CCL28: variants seen among roughly 807,000 people sequenced by gnomAD.
The protein encoded by CCL28 is C-C motif chemokine ligand 28.
In CCL28, 4 loss-of-function variants were observed where a neutral mutation model predicts 7.1. The observed-to-expected ratio is 0.56, with a 90% CI of 0.28 to 1.29. The LOEUF (loss-of-function observed/expected upper bound fraction) is 1.29. CCL28 is among the 50% of genes most tolerant of loss of function. The pLI is 0.11. For synonymous variants in CCL28, 55 were observed against 57.8 expected, an observed-to-expected ratio of 0.95 and a Z score of 0.22; for missense variants, 151 against 163.4, an observed-to-expected ratio of 0.92 and a Z score of 0.41.
At chr5:43,388,308 A>G (rs1412060959) in intron 2 of CCL28, 42 bp downstream of exon 2, 3 of 1,607,338 alleles carry the variant, frequency 1.9e-6, no homozygotes, top group African/African-American at 2.7e-5. Context: ...CAGGGAAATA[A>G]TCACTGTGCA....
At chr5:43,387,852 C>G (rs1190017509) in intron 2 of CCL28, among the ~76,000 whole-genome samples, 1 of 152,180 alleles carries the variant, frequency 6.6e-6, no homozygotes, top group Non-Finnish European at 1.5e-5. Context: ...TCTTGAACAC[C>G]TGGGCTCAAG....
chr5:43,361,238 T>G, the CCL28 span, among the ~76,000 whole-genome samples: 2 of 152,230 alleles, frequency 1.3e-5, no homozygotes, highest in African/African-American at 4.8e-5. Flanking sequence ...GCATTTAGGT[T>G]GATGCCATGT....
downstream of CCL28, among the ~76,000 whole-genome samples, chr5:43,378,047 TAA>T (rs1333434533): frequency 6.6e-6 from 1 of 152,032 alleles, no homozygotes; most frequent in East Asian, 1.9e-4. Context: ...TTAAACTTTT[TAA>T]AGGATTAAGA....
At chr5:43,406,229 A>G (rs1348788426) in intron 1 of CCL28, among the ~76,000 whole-genome samples, 2 of 152,174 alleles carry the variant, frequency 1.3e-5, no homozygotes, top group African/African-American at 2.4e-5. Context: ...CTTGATGAAC[A>G]TCGATGCAAA....
intron 1 of CCL28, among the ~76,000 whole-genome samples, chr5:43,408,327 A>C (rs969578361): frequency 6.6e-6 from 1 of 152,340 alleles, no homozygotes; most frequent in South Asian, 2.1e-4. Context: ...GGATGAGTTC[A>C]TGTCCTTTGT....
At chr5:43,400,003 G>T (rs1740967544) in intron 1 of CCL28, among the ~76,000 whole-genome samples, 1 of 151,828 alleles carries the variant, frequency 6.6e-6, no homozygotes, top group Admixed American at 6.6e-5. Context: ...ACCCCACTAT[G>T]CCTGGCTAAT....
downstream of CCL28, among the ~76,000 whole-genome samples, chr5:43,373,993 C>G (rs1037794557): frequency 6.6e-6 from 1 of 152,228 alleles, no homozygotes; most frequent in African/African-American, 2.4e-5. Context: ...CCCAGTCACA[C>G]TGGCTTAATT....
At chr5:43,411,098 T>C (rs1261795475) in intron 1 of CCL28, among the ~76,000 whole-genome samples, 1 of 152,212 alleles carries the variant, frequency 6.6e-6, no homozygotes, top group Non-Finnish European at 1.5e-5. Flanking sequence ...GAATCATTGT[T>C]GCCACATCTG....
At chr5:43,399,446 AGTCTATATGACT>A (rs1437404481) in intron 1 of CCL28, among the ~76,000 whole-genome samples, 2 of 152,182 alleles carry the variant, frequency 1.3e-5, no homozygotes, top group African/African-American at 2.4e-5. Context: ...TGACATTAAG[AGTCTATATGACT>A]GTCTTTTGAC....
intron 1 of CCL28, among the ~76,000 whole-genome samples, chr5:43,409,404 C>T (rs939400675): frequency 6.6e-6 from 1 of 151,736 alleles, no homozygotes; most frequent in East Asian, 1.9e-4. Context: ...CCAGCCTGGG[C>T]GACAAGAGCA....
chr5:43,397,683 C>T (rs1319752909), intron 1 of CCL28, among the ~76,000 whole-genome samples: 4 of 152,158 alleles, frequency 2.6e-5, no homozygotes, highest in Admixed American at 6.5e-5. Context: ...TTTCACGCCT[C>T]GATCATCTCT....
chr5:43,401,234 G>T (rs1741022536), intron 1 of CCL28, among the ~76,000 whole-genome samples: 1 of 152,182 alleles, frequency 6.6e-6, no homozygotes. Flanking sequence ...CACTAAGTGG[G>T]CAGGTAGGAC....
downstream of CCL28, chr5:43,377,623 A>T (rs1173343995): frequency 1.4e-5 from 2 of 147,972 alleles, no homozygotes; most frequent in African/African-American, 4.9e-5. Context: ...AACATCAAGC[A>T]CTGGGATGAG....
At chr5:43,398,210 CA>C (rs1720410019) in intron 1 of CCL28, among the ~76,000 whole-genome samples, 2 of 101,452 alleles carry the variant, frequency 2.0e-5, no homozygotes, top group Admixed American at 2.3e-4. Flanking sequence ...TAGCAATTAG[CA>C]GACTTTTTTT....
downstream of CCL28, among the ~76,000 whole-genome samples, chr5:43,372,197 G>T (rs1739797493): frequency 6.6e-6 from 1 of 152,132 alleles, no homozygotes. Context: ...ATGAGTTTTG[G>T]GGGGCAAACA....
intron 1 of CCL28, among the ~76,000 whole-genome samples, chr5:43,388,888 G>T (rs561559586): frequency 6.6e-6 from 1 of 152,322 alleles, no homozygotes; most frequent in Admixed American, 6.5e-5. Context: ...TTGAAATAAG[G>T]CATAATCTGT....
the CCL28 span, among the ~76,000 whole-genome samples, chr5:43,364,305 A>ATGTG: frequency 6.6e-6 from 1 of 151,512 alleles, no homozygotes; most frequent in Non-Finnish European, 1.5e-5. Flanking sequence ...AAAACTATAT[A>ATGTG]TGTGTGTGTG....
the CCL28 span, among the ~76,000 whole-genome samples, chr5:43,357,586 CT>C: frequency 2.0e-5 from 3 of 152,042 alleles, no homozygotes; most frequent in Non-Finnish European, 4.4e-5. Flanking sequence ...CCAAATTCTT[CT>C]CCTTATTTCC....
chr5:43,381,636 A>C lies in CCL28; in HGVS notation c.*224T>G. On this transcript the variant is annotated 3_prime_UTR_variant, in exon 3 of 3. Transcript: ENST00000361115. ...CAGCCTCCCGAAGTGCTGGGATAAAAGGTGTGAACCACCATACCCAGCCAG... is the reference window on the plus strand; with the variant it reads ...CAGCCTCCCGAAGTGCTGGGATAAACGGTGTGAACCACCATACCCAGCCAG... 2.2e-6 allele frequency: 1 copy of C among 446,050 alleles called. No homozygotes were observed. Among genetic ancestry groups the C allele is most frequent in the South Asian group, 4.2e-5 (1 of 23,856 alleles). 27.6% of individuals were successfully genotyped at this position (446,050 alleles called of 1,614,324 possible). A position where few individuals can be genotyped will look rare whatever the true frequency, so the allele number is the denominator to read the frequency against.
Sources: allele counts gnomAD v4.1 joint callset (sites outside exome capture counted in the v4.1 genomes callset), GRCh38; gene constraint gnomAD v4.1.1; transcripts MANE v1.5; gene names NCBI Gene and HGNC (gene_info 2026-07-23, HGNC 2026-07-21).